FHIT: variants seen among roughly 807,000 people sequenced by gnomAD.
The protein encoded by FHIT is bis(5'-adenosyl)-triphosphatase.
In FHIT, 19 loss-of-function variants were observed where a neutral mutation model predicts 17.9. The ratio of observed to expected loss-of-function variants is 1.06; its 90% CI spans 0.74 to 1.56. FHIT has a LOEUF of 1.56. Ranked by LOEUF, FHIT falls within the 40% of genes most tolerant of loss-of-function variation. The pLI, the probability that FHIT is intolerant of heterozygous loss-of-function variation, is 0.00. For synonymous variants in FHIT, 81 were observed against 69.7 expected, an observed-to-expected ratio of 1.16 and a Z score of -0.81; for missense variants, 248 against 189.2, an observed-to-expected ratio of 1.31 and a Z score of -1.82.
chr3:60,220,104 T>A (rs1399685672), intron 5 of FHIT, among the ~76,000 whole-genome samples: 1 of 152,120 alleles, frequency 6.6e-6, no homozygotes, highest in African/African-American at 2.4e-5. Flanking sequence ...TAAATTTCTA[T>A]CAATAGGTAA....
intron 3 of FHIT, among the ~76,000 whole-genome samples, chr3:60,908,714 GAAAA>G (rs5849399): frequency 1.7e-5 from 2 of 117,396 alleles, no homozygotes; most frequent in Non-Finnish European, 3.6e-5. Context: ...AGTCTCTTAT[GAAAA>G]AAAAAAAAAA....
chr3:60,597,438 G>A (rs532020846), intron 4 of FHIT, among the ~76,000 whole-genome samples: 11 of 152,216 alleles, frequency 7.2e-5, no homozygotes, highest in African/African-American at 2.6e-4. Flanking sequence ...GAAAGCAGCA[G>A]AACCATACCT....
At chr3:59,811,584 A>T (rs1269120735) in intron 8 of FHIT, among the ~76,000 whole-genome samples, 1 of 152,060 alleles carries the variant, frequency 6.6e-6, no homozygotes, top group Non-Finnish European at 1.5e-5. Flanking sequence ...TTTGTTTTTT[A>T]AAGAAAGAAA....
chr3:60,045,632 C>T (rs539709309), intron 5 of FHIT, among the ~76,000 whole-genome samples: 1 of 152,212 alleles, frequency 6.6e-6, no homozygotes, highest in South Asian at 2.1e-4. Flanking sequence ...AATTCTCTCC[C>T]CTTCCCTCTC....
intron 5 of FHIT, among the ~76,000 whole-genome samples, chr3:60,323,837 G>T (rs1709543834): frequency 6.6e-6 from 1 of 152,168 alleles, no homozygotes; most frequent in African/African-American, 2.4e-5. Flanking sequence ...CCTGCCTGAG[G>T]CTCTGAGCCT....
chr3:60,524,216 A>G (rs1464117050), intron 5 of FHIT, among the ~76,000 whole-genome samples: 3 of 90,606 alleles, frequency 3.3e-5, no homozygotes, highest in African/African-American at 9.8e-5. Context: ...ACACACACAC[A>G]CACACACACA....
intron 7 of FHIT, among the ~76,000 whole-genome samples, chr3:59,967,530 T>C (rs1559505874): frequency 3.3e-5 from 5 of 152,154 alleles, no homozygotes; most frequent in Admixed American, 2.0e-4. Context: ...CCTTCATACA[T>C]GCGGTCTGTG....
At chr3:60,417,973 C>A (rs1576623604) in intron 5 of FHIT, among the ~76,000 whole-genome samples, 1 of 152,108 alleles carries the variant, frequency 6.6e-6, no homozygotes, top group Non-Finnish European at 1.5e-5. Context: ...TCAAATACAC[C>A]AGGGTCTTCC....
intron 3 of FHIT, among the ~76,000 whole-genome samples, chr3:60,851,758 G>T (rs1412340816): frequency 6.6e-6 from 1 of 151,928 alleles, no homozygotes; most frequent in Non-Finnish European, 1.5e-5. Flanking sequence ...TTATATTCAG[G>T]GAAGTTCCCT....
chr3:60,413,491 A>G (rs1412192608), intron 5 of FHIT, among the ~76,000 whole-genome samples: 5 of 152,196 alleles, frequency 3.3e-5, no homozygotes, highest in Non-Finnish European at 5.9e-5. Context: ...TGCAAATTCC[A>G]TTTCTGGTTG....
intron 7 of FHIT, among the ~76,000 whole-genome samples, chr3:59,926,823 A>AT (rs1220044961): frequency 6.6e-6 from 1 of 152,202 alleles, no homozygotes; most frequent in East Asian, 1.9e-4. Context: ...AAGACACACA[A>AT]TAACAAGCGT....
intron 3 of FHIT, among the ~76,000 whole-genome samples, chr3:60,938,880 C>T (rs1458808531): frequency 6.6e-6 from 1 of 152,190 alleles, no homozygotes; most frequent in Admixed American, 6.5e-5. Context: ...GTTCTAAAAA[C>T]CCTGCATCAT....
At chr3:60,793,544 C>T (rs782728843) in intron 4 of FHIT, among the ~76,000 whole-genome samples, 5 of 152,242 alleles carry the variant, frequency 3.3e-5, no homozygotes, top group Non-Finnish European at 7.3e-5. Context: ...CTCAGGTGAT[C>T]TGCCTGCCTC....
chr3:60,252,718 C>T (rs559466943), intron 5 of FHIT, among the ~76,000 whole-genome samples: 25 of 151,940 alleles, frequency 1.6e-4, no homozygotes, highest in Non-Finnish European at 3.4e-4. Context: ...GGGCTGGGCG[C>T]GGTGGCTCAT....
chr3:60,751,934 T>TTCCA (rs2042474931), intron 4 of FHIT, among the ~76,000 whole-genome samples: 1 of 152,210 alleles, frequency 6.6e-6, no homozygotes, highest in Non-Finnish European at 1.5e-5. Context: ...TACTATGCAG[T>TTCCA]CTTTTAAGTG....
At chr3:60,201,992 A>G (rs558835851) in intron 5 of FHIT, among the ~76,000 whole-genome samples, 1 of 152,310 alleles carries the variant, frequency 6.6e-6, no homozygotes, top group South Asian at 2.1e-4. Context: ...GATTGCCCAC[A>G]TATGTCTTCT....
At chr3:60,927,600 C>A (rs1327370679) in intron 3 of FHIT, among the ~76,000 whole-genome samples, 1 of 151,098 alleles carries the variant, frequency 6.6e-6, no homozygotes, top group South Asian at 2.1e-4. Flanking sequence ...CCGGCCGCCC[C>A]GTCTGGGATG....
intron 4 of FHIT, among the ~76,000 whole-genome samples, chr3:60,693,082 T>C (rs1185183838): frequency 6.6e-6 from 1 of 152,204 alleles, no homozygotes; most frequent in Non-Finnish European, 1.5e-5. Context: ...AACAAATTTT[T>C]AGTGGCAGCG....
chr3:60,361,261 C>T (rs1012832983), intron 5 of FHIT, among the ~76,000 whole-genome samples: 4 of 152,066 alleles, frequency 2.6e-5, no homozygotes, highest in Non-Finnish European at 5.9e-5. Context: ...ACTAGAAATT[C>T]GCTTTATAGG....
Sources: gnomAD v4.1 joint callset for allele counts (sites outside exome capture counted in the v4.1 genomes callset) on GRCh38, gnomAD v4.1.1 for gene constraint, MANE v1.5 for transcripts, NCBI Gene and HGNC (gene_info 2026-07-23, HGNC 2026-07-21) for gene names.